FLRT1: variants seen among roughly 807,000 people sequenced by gnomAD.
The protein encoded by FLRT1 is leucine-rich repeat transmembrane protein FLRT1.
FLRT1 carries 14 observed loss-of-function variants against 30.9 expected under a neutral mutation model. That is an observed-to-expected ratio of 0.45 (90% CI 0.30 to 0.71). FLRT1 has a LOEUF of 0.71. FLRT1 is among the 30% of genes least tolerant of loss of function. The pLI, the probability that FLRT1 is intolerant of heterozygous loss-of-function variation, is 0.08. For missense variants in FLRT1, 737 were observed against 949.2 expected (o/e 0.78, Z 2.94); for synonymous variants, 368 against 430.4 (o/e 0.85, Z 1.80).
intron 2 of FLRT1, among the ~76,000 whole-genome samples, chr11:64,107,469 C>T (rs184861074): frequency 6.9e-4 from 105 of 152,236 alleles, no homozygotes; most frequent in Non-Finnish European, 1.4e-3. Flanking sequence ...TTCAGGACAT[C>T]CCGCCGCCTG....
intron 1 of FLRT1, among the ~76,000 whole-genome samples, chr11:64,097,503 G>A (rs1485489116): frequency 2.6e-5 from 4 of 152,244 alleles, no homozygotes. Flanking sequence ...CATCTTGAGG[G>A]TGGGCGCTGG....
chr11:64,117,415 C>T lies in FLRT1; in HGVS notation c.1148C>T (p.Pro383Leu), dbSNP rs558763991. 9 of 1,612,294 alleles carry T rather than the reference C, an allele frequency of 5.6e-6. No individual in the cohort carries two copies. The East Asian group carries it at 1.3e-4, about 24-fold the overall frequency. The change falls in exon 3 of 3, where the codon CCG becomes CTG. Residue 383 changes from proline to leucine, a missense_variant. Physicochemically the swap from Pro to Leu is moderately conservative, Grantham distance 98 (BLOSUM62 -3). Coordinates refer to ENST00000682287, the MANE Select transcript of FLRT1 (RefSeq NM_013280.5). ...ATGGACGAGTGTTTTGAGACGGGGC[C>T]GCAGGGCGGCGTGGCCAATGCGGCT... ...SEMDECFETG[P>L]QGGVANAAAK...
intron 1 of FLRT1, among the ~76,000 whole-genome samples, chr11:64,099,896 G>A (rs370845830): frequency 5.3e-5 from 8 of 151,890 alleles, no homozygotes; most frequent in Admixed American, 4.6e-4. Context: ...TGGAGGGAGA[G>A]ATGGAAGGAT....
At chr11:64,056,548 G>A (rs1943789570) in intron 1 of FLRT1, among the ~76,000 whole-genome samples, 1 of 152,238 alleles carries the variant, frequency 6.6e-6, no homozygotes, top group Non-Finnish European at 1.5e-5. Context: ...ACAGCCGGGG[G>A]CCTGGCCCAA....
At chr11:64,052,864 C>G (rs977355559) in intron 1 of FLRT1, among the ~76,000 whole-genome samples, 11 of 152,168 alleles carry the variant, frequency 7.2e-5, no homozygotes, top group African/African-American at 2.4e-4. Flanking sequence ...TTTAATTATG[C>G]CCCTGCCAGA....
rs1943379259 is a variant in FLRT1, at chr11:64,036,313, C to T, written c.-1038+154C>T. On this transcript the variant is annotated intron_variant, in intron 1 of 2. Transcript: ENST00000682287. The surrounding 1 kb of genome is among the most constrained non-coding windows in gnomAD (Gnocchi z 5.6). The stretch of plus-strand genomic sequence containing the variant: ...CCAGAGCGGCGGGAGATGGGACGCC[C>T]AGCCTTTGGGATTTGGGGTGGGGGT... Among the ~76,000 whole-genome samples, 1 of 152,138 alleles carries T rather than the reference C, an allele frequency of 6.6e-6. No homozygotes were observed. The highest frequency in any genetic ancestry group is 1.5e-5 in the Non-Finnish European group (1 of 67,996).
chr11:64,079,331 C>T (rs58449700), intron 1 of FLRT1, among the ~76,000 whole-genome samples: 7,050 of 151,176 alleles, frequency 0.047, 398 homozygotes, highest in East Asian at 0.28. Context: ...AGGGGTCTGC[C>T]CTCTGGGAGG....
Position 64,096,396 on chromosome 11 carries a change from C to G in FLRT1, c.-1037-6798C>G, listed in dbSNP as rs1944576760. ...AGGTCTGCCAGGTAGAGCTGGCAGGCAAGTGGTCGTTCCTGTCCCCTCTTT... is the reference window on the plus strand; with the variant it reads ...AGGTCTGCCAGGTAGAGCTGGCAGGGAAGTGGTCGTTCCTGTCCCCTCTTT... On this transcript the variant is annotated intron_variant, in intron 1 of 2. Transcript: ENST00000682287. The surrounding 1 kb of genome is among the most constrained non-coding windows in gnomAD (Gnocchi z 4.6). 6.6e-6 allele frequency among the ~76,000 whole-genome samples: 1 copy of G among 151,676 alleles called. No homozygotes were observed. Among genetic ancestry groups the G allele is most frequent in the African/African-American group, 2.4e-5 (1 of 41,304 alleles).
At chr11:64,048,661 T>C (rs1428350884) in intron 1 of FLRT1, among the ~76,000 whole-genome samples, 1 of 150,956 alleles carries the variant, frequency 6.6e-6, no homozygotes, top group Non-Finnish European at 1.5e-5. Flanking sequence ...ACCGATTCCT[T>C]AAAGCAGCCC....
chr11:64,109,561 G>A (rs763531282), intron 2 of FLRT1, among the ~76,000 whole-genome samples: 1 of 152,154 alleles, frequency 6.6e-6, no homozygotes, highest in African/African-American at 2.4e-5. Context: ...TGAGTGTGGC[G>A]TGGAGGAGGT....
chr11:64,077,028 A>G (rs1490260956), intron 1 of FLRT1, among the ~76,000 whole-genome samples: 2 of 149,466 alleles, frequency 1.3e-5, no homozygotes, highest in South Asian at 2.2e-4. Flanking sequence ...TGTGGGGAGT[A>G]GATGGGAGGG....
chr11:64,088,043 T>C (rs1216177093), intron 1 of FLRT1, among the ~76,000 whole-genome samples: 1 of 152,148 alleles, frequency 6.6e-6, no homozygotes, highest in African/African-American at 2.4e-5. Context: ...CTGGTGGCCC[T>C]GTCACTGGCT....
At chr11:64,109,184 C>A (rs1459661571) in intron 2 of FLRT1, among the ~76,000 whole-genome samples, 2 of 152,100 alleles carry the variant, frequency 1.3e-5, no homozygotes, top group African/African-American at 4.8e-5. Context: ...CCAGAAGCTC[C>A]TGGGACATGC....
At chr11:64,078,655 T>G (rs1166463237) in intron 1 of FLRT1, among the ~76,000 whole-genome samples, 6 of 152,122 alleles carry the variant, frequency 3.9e-5, no homozygotes, top group African/African-American at 7.2e-5. Context: ...ATCCTTGTCC[T>G]ACAAATATGT....
intron 2 of FLRT1, among the ~76,000 whole-genome samples, chr11:64,111,789 T>C (rs1944867485): frequency 6.6e-6 from 1 of 152,198 alleles, no homozygotes; most frequent in Non-Finnish European, 1.5e-5. Context: ...TGGGCCAGTG[T>C]CCTTCCCAGT....
At position 64,041,199 on chromosome 11, in the gene FLRT1, T is replaced by TAAAAAAAAAAAAAAAAAA. The variant is rs71045724; in HGVS notation, c.-1038+5053_-1038+5070dup. ...AGATTACAACAGATTTAGCAAACTG[T>TAAAAAAAAAAAAAAAAAA]AAAAAAAAAAAAAAAAAAAAAAAAA... is the stretch of plus-strand genomic sequence containing the variant. On this transcript the variant is annotated intron_variant, in intron 1 of 2. Coordinates refer to ENST00000682287, the MANE Select transcript of FLRT1 (RefSeq NM_013280.5). Among the ~76,000 whole-genome samples, 24 of 21,600 alleles carry TAAAAAAAAAAAAAAAAAA rather than the reference T, an allele frequency of 1.1e-3. 6 individuals carry two copies. The highest frequency in any genetic ancestry group is 3.9e-3 in the African/African-American group (24 of 6,202). 14.2% of individuals were successfully genotyped at this position (21,600 alleles called of 152,430 possible).
intron 1 of FLRT1, among the ~76,000 whole-genome samples, chr11:64,087,969 G>C (rs941542628): frequency 6.6e-6 from 1 of 152,188 alleles, no homozygotes; most frequent in African/African-American, 2.4e-5. Context: ...AGCTGTTCGA[G>C]GGGCCAGAGC....
chr11:64,059,490 C>T (rs1324257217), intron 1 of FLRT1, among the ~76,000 whole-genome samples: 2 of 152,194 alleles, frequency 1.3e-5, no homozygotes, highest in Non-Finnish European at 2.9e-5. Flanking sequence ...CATGCCCTTC[C>T]ACAGGCTGAC....
intron 1 of FLRT1, among the ~76,000 whole-genome samples, chr11:64,079,298 A>T (rs574438602): frequency 6.6e-6 from 1 of 151,842 alleles, no homozygotes; most frequent in East Asian, 2.0e-4. Flanking sequence ...GGCGCTGCAG[A>T]TGCCTCTGGG....
Sources: gnomAD v4.1 joint callset for allele counts (sites outside exome capture counted in the v4.1 genomes callset) on GRCh38, gnomAD v4.1.1 for gene constraint, Gnocchi (gnomAD v3.1) non-coding constraint, MANE v1.5 for transcripts, NCBI Gene and HGNC (gene_info 2026-07-23, HGNC 2026-07-21) for gene names.